Variants in SHTN1 observed in about 807,000 individuals in gnomAD.
SHTN1 encodes shootin-1.
Under a neutral mutation model 83.1 loss-of-function variants are expected in SHTN1, and 42 were observed. The observed-to-expected ratio is 0.51, with a 90% CI of 0.39 to 0.65. SHTN1 has a LOEUF of 0.65. Ranked by LOEUF, SHTN1 falls within the 30% of genes least tolerant of loss-of-function variation. SHTN1 has a pLI of 0.00. For synonymous variants in SHTN1, 224 were observed against 247.7 expected, an observed-to-expected ratio of 0.90 and a Z score of 0.90; for missense variants, 622 against 737.8, an observed-to-expected ratio of 0.84 and a Z score of 1.82.
At chr10:117,012,294 A>T (rs1429838486) in intron 2 of SHTN1, among the ~76,000 whole-genome samples, 1 of 152,130 alleles carries the variant, frequency 6.6e-6, no homozygotes, top group Non-Finnish European at 1.5e-5. Flanking sequence ...AACAAAACAA[A>T]AACTAGAATA....
chr10:117,094,318 T>C (rs889368791), intron 1 of SHTN1, among the ~76,000 whole-genome samples: 3 of 152,208 alleles, frequency 2.0e-5, no homozygotes, highest in African/African-American at 4.8e-5. Context: ...TGGATTGATA[T>C]ATCATCAGCA....
intron 2 of SHTN1, among the ~76,000 whole-genome samples, chr10:116,973,338 G>A (rs1291596085): frequency 6.6e-6 from 1 of 152,154 alleles, no homozygotes; most frequent in Non-Finnish European, 1.5e-5. Context: ...TATAGATAGG[G>A]CAGTTCAGGG....
At chr10:116,900,532 T>C in intron 16 of SHTN1, 1 of 1,532,672 alleles carries the variant, frequency 6.5e-7, no homozygotes, top group South Asian at 1.2e-5. Context: ...ATTTTCTGAT[T>C]CAGATTATCT....
At chr10:117,027,251 G>GTTT (rs1852345485) in intron 2 of SHTN1, among the ~76,000 whole-genome samples, 1 of 152,096 alleles carries the variant, frequency 6.6e-6, no homozygotes, top group Non-Finnish European at 1.5e-5. Flanking sequence ...GAATAGTTTA[G>GTTT]CACCATCCCT....
chr10:116,886,445 T>C lies in SHTN1; in HGVS notation c.1795A>G (p.Lys599Glu). The C allele has an allele frequency of 6.2e-7, 1 of 1,612,778 alleles. No homozygotes were observed. Among genetic ancestry groups the C allele is most frequent in the Non-Finnish European group, 8.5e-7 (1 of 1,179,198 alleles). The stretch of plus-strand genomic sequence containing the variant: ...TCCTCCTTGTGTTGAGTTGGATCTT[T>C]TTCAGCAACCTGGTCTTTGGTTTGG... ...EPQTKDQVAE[K>E]DPTQHKEDEG... is the part of the protein sequence containing the mutation. Residue 599 changes from lysine (K) to glutamate (E), a missense_variant, in exon 17 of 17, where the codon AAA becomes GAA. Transcript: ENST00000355371.
intron 1 of SHTN1, among the ~76,000 whole-genome samples, chr10:117,083,530 C>T (rs1006924921): frequency 6.6e-6 from 1 of 151,772 alleles, no homozygotes; most frequent in South Asian, 2.1e-4. Flanking sequence ...TTGCTCTTCT[C>T]GAGGAGTATC....
At chr10:116,976,584 C>T (rs1318685481) in intron 2 of SHTN1, among the ~76,000 whole-genome samples, 1 of 152,154 alleles carries the variant, frequency 6.6e-6, no homozygotes, top group Non-Finnish European at 1.5e-5. Context: ...TTGCTGATGT[C>T]AACTGGACAA....
chr10:117,066,611 T>C (rs1564947756), intron 1 of SHTN1, among the ~76,000 whole-genome samples: 2 of 152,212 alleles, frequency 1.3e-5, no homozygotes, highest in Admixed American at 1.3e-4. Context: ...AAACTAACAA[T>C]CTTTACCCTA....
intron 14 of SHTN1, among the ~76,000 whole-genome samples, chr10:116,909,436 G>A (rs1317160678): frequency 6.6e-6 from 1 of 152,072 alleles, no homozygotes; most frequent in Non-Finnish European, 1.5e-5. Flanking sequence ...AACTGAAATT[G>A]AGAAGAGAAT....
intron 1 of SHTN1, among the ~76,000 whole-genome samples, chr10:116,998,913 T>C (rs1851728077): frequency 6.6e-6 from 1 of 152,174 alleles, no homozygotes. Flanking sequence ...TACCAACATA[T>C]ATATATATGT....
intron 1 of SHTN1, among the ~76,000 whole-genome samples, chr10:117,060,248 T>C (rs1348432760): frequency 1.3e-5 from 2 of 152,066 alleles, no homozygotes; most frequent in Non-Finnish European, 2.9e-5. Flanking sequence ...AATAAAAATA[T>C]ATATTGTGAT....
chr10:116,976,842 A>C (rs979562255), intron 2 of SHTN1, among the ~76,000 whole-genome samples: 1 of 152,190 alleles, frequency 6.6e-6, no homozygotes, highest in Non-Finnish European at 1.5e-5. Context: ...TGTTTTACCC[A>C]ACCACACAGC....
At chr10:116,986,155 C>T (rs1359240721) in intron 1 of SHTN1, among the ~76,000 whole-genome samples, 7 of 152,148 alleles carry the variant, frequency 4.6e-5, no homozygotes, top group Non-Finnish European at 7.4e-5. Context: ...AAAATACACA[C>T]ATAAGTCTGA....
At chr10:116,910,284 A>G (rs1218184972) in intron 14 of SHTN1, among the ~76,000 whole-genome samples, 1 of 152,230 alleles carries the variant, frequency 6.6e-6, no homozygotes, top group Non-Finnish European at 1.5e-5. Context: ...ATATTGTCAG[A>G]GTAGTAACTC....
chr10:116,911,977 C>G, intron 13 of SHTN1, 134 bp from the exon 14 acceptor site: 1 of 681,054 alleles, frequency 1.5e-6, no homozygotes. Flanking sequence ...TAAATTAGGA[C>G]TATGTCTTAA....
chr10:116,960,064 T>C lies in SHTN1; in HGVS notation c.267+72A>G, dbSNP rs528089035. 4.4e-4 allele frequency: 376 copies of C among 864,344 alleles called. 7 individuals carry two copies. In the South Asian group the frequency reaches 5.1e-3, roughly 12 times the overall value. The allele number at this position is 864,344 out of a possible 1,614,324, so 53.5% of individuals were successfully genotyped here. ...AGAGAAGTAGAAAAGCAAAACCAGA[T>C]AGAAGCCACTGCTTAGAAAAGCAAG... On this transcript the variant is annotated intron_variant, in intron 4 of 16. Transcript: ENST00000355371.
chr10:117,057,018 C>T (rs540973368), intron 1 of SHTN1, among the ~76,000 whole-genome samples: 10 of 152,100 alleles, frequency 6.6e-5, no homozygotes, highest in African/African-American at 2.2e-4. Context: ...TTCTAGCTAC[C>T]GCAATGAGGT....
intron 1 of SHTN1, among the ~76,000 whole-genome samples, chr10:116,993,322 C>T (rs1335185010): frequency 6.6e-6 from 1 of 151,916 alleles, no homozygotes; most frequent in Non-Finnish European, 1.5e-5. Flanking sequence ...GGCCTGTATA[C>T]ATGTTTTCAT....
chr10:117,011,942 A>C (rs942158619), intron 2 of SHTN1, among the ~76,000 whole-genome samples: 3 of 151,974 alleles, frequency 2.0e-5, no homozygotes, highest in Non-Finnish European at 2.9e-5. Context: ...AGATCGAGAC[A>C]ATCCTGGCTA....
Sources: gnomAD v4.1 joint callset for allele counts (sites outside exome capture counted in the v4.1 genomes callset) on GRCh38, gnomAD v4.1.1 for gene constraint, MANE v1.5 for transcripts, NCBI Gene and HGNC (gene_info 2026-07-23, HGNC 2026-07-21) for gene names.